Variants in AACS observed in about 807,000 individuals in gnomAD.
The protein encoded by AACS is acetoacetyl-CoA synthetase.
A neutral mutation model predicts 83.1 loss-of-function variants in AACS; 69 were observed. The observed-to-expected ratio is 0.83, with a 90% CI of 0.68 to 1.01. The LOEUF (loss-of-function observed/expected upper bound fraction) is 1.01. AACS is among the 50% of genes least tolerant of loss of function. AACS has a pLI of 0.00. For missense variants in AACS, 866 were observed against 882.2 expected, an observed-to-expected ratio of 0.98 and a Z score of 0.23; for synonymous variants, 333 against 343.4, an observed-to-expected ratio of 0.97 and a Z score of 0.33.
In AACS at chr12:125,116,095, A is replaced by G. The variant is rs548281498; in HGVS notation, c.996+1538A>G. On this transcript the variant is annotated intron_variant, in intron 9 of 17. Coordinates refer to ENST00000316519, the MANE Select transcript of AACS (RefSeq NM_023928.5). ...GCTCTACAACCCACCCCTGTCCCCA[A>G]TCCCTAACGTAGAATACCAGTGCCA... 3.9e-5 allele frequency among the ~76,000 whole-genome samples: 6 copies of G among 152,160 alleles called. 1 individual carries two copies. The highest frequency in any genetic ancestry group is 1.2e-4 in the African/African-American group (5 of 41,520).
At chr12:125,096,393 T>C (rs1956608919) in intron 5 of AACS, among the ~76,000 whole-genome samples, 1 of 152,216 alleles carries the variant, frequency 6.6e-6, no homozygotes, top group Admixed American at 6.5e-5. Context: ...GAACTCTCGG[T>C]CCATCTTAGA....
rs373865066 is a variant in AACS at position 125,084,210 on chromosome 12, T to C, written c.359-2120T>C. ...GCAGGTGCCTGTAATCCCAGCTAAC[T>C]GGGAGGCTGAGGCAGGAGAATTGCT... is the stretch of plus-strand genomic sequence containing the variant. On this transcript the variant is annotated intron_variant, in intron 3 of 17. Transcript: ENST00000316519. Among the ~76,000 whole-genome samples, 45 of 151,160 alleles carry C rather than the reference T, an allele frequency of 3.0e-4. 1 individual carries two copies. Among genetic ancestry groups the C allele is most frequent in the African/African-American group, 1.0e-3 (41 of 41,132 alleles).
chr12:125,071,794 C>T (rs961707175), intron 1 of AACS, among the ~76,000 whole-genome samples: 1 of 152,210 alleles, frequency 6.6e-6, no homozygotes, highest in African/African-American at 2.4e-5. Flanking sequence ...CTTCCAGATT[C>T]ATGGGGCTGG....
At chr12:125,099,832 T>C (rs1056019875) in intron 5 of AACS, among the ~76,000 whole-genome samples, 4 of 152,096 alleles carry the variant, frequency 2.6e-5, no homozygotes, top group African/African-American at 9.7e-5. Context: ...TGGGCCACCG[T>C]GTCTGGCTAA....
Position 125,081,879 on chromosome 12 carries a change from G to GT in AACS, c.359-4438dup, listed in dbSNP as rs1346284849. Among the ~76,000 whole-genome samples the GT allele has an allele frequency of 3.6e-3, 526 of 144,688 alleles. 1 individual carries two copies. Among genetic ancestry groups the GT allele is most frequent in the Middle Eastern group, 7.1e-3 (2 of 282 alleles). The allele number at this position is 144,688 out of a possible 152,430, so 94.9% of individuals were successfully genotyped here. ...TAGGCAAATAGGAAAAAAAAAACGA[G>GT]TTTTTTTTTTTTTGAGGTGGAGTTT... On this transcript the variant is annotated intron_variant, in intron 3 of 17. Coordinates refer to ENST00000316519, the MANE Select transcript of AACS (RefSeq NM_023928.5).
At chr12:125,091,973 T>C (rs1198120169) in intron 5 of AACS, among the ~76,000 whole-genome samples, 2 of 152,240 alleles carry the variant, frequency 1.3e-5, no homozygotes, top group East Asian at 1.9e-4. Flanking sequence ...GGACCCGTAC[T>C]GTGTGGGTGT....
At chr12:125,109,924 G>A (rs887583727) in intron 8 of AACS, among the ~76,000 whole-genome samples, 4 of 152,150 alleles carry the variant, frequency 2.6e-5, no homozygotes, top group Non-Finnish European at 5.9e-5. Context: ...GTTCTTCTCC[G>A]TGCATCTATC....
intron 16 of AACS, among the ~76,000 whole-genome samples, chr12:125,136,369 A>G (rs1004015589): frequency 6.6e-6 from 1 of 152,036 alleles, no homozygotes; most frequent in African/African-American, 2.4e-5. Context: ...ATCTTGAATT[A>G]ATTTCTCATT....
intron 3 of AACS, among the ~76,000 whole-genome samples, chr12:125,082,853 A>G (rs1956229496): frequency 6.6e-6 from 1 of 152,122 alleles, no homozygotes; most frequent in Non-Finnish European, 1.5e-5. Context: ...ACACACAAAG[A>G]GGTAATTCAT....
intron 3 of AACS, among the ~76,000 whole-genome samples, chr12:125,078,886 G>A (rs1043643605): frequency 2.0e-4 from 30 of 149,590 alleles, no homozygotes; most frequent in African/African-American, 6.4e-4. Context: ...CCTGGGAGAC[G>A]CTGATGTTCC....
chr12:125,118,840 C>A (rs556362211), intron 10 of AACS, 75 bp downstream of exon 10: 2 of 1,568,870 alleles, frequency 1.3e-6, no homozygotes, highest in African/African-American at 2.7e-5. Flanking sequence ...AGATGCAGAG[C>A]TGTGCCTGCC....
intron 10 of AACS, among the ~76,000 whole-genome samples, chr12:125,119,254 T>C (rs1393305786): frequency 2.6e-5 from 4 of 152,192 alleles, no homozygotes; most frequent in South Asian, 2.1e-4. Flanking sequence ...CCAGCACTTA[T>C]TGCATAGTAC....
intron 4 of AACS, 94 bp from the exon 5 acceptor site, chr12:125,091,332 C>T (rs750120825): frequency 5.5e-6 from 7 of 1,279,480 alleles, no homozygotes; most frequent in Admixed American, 1.9e-5. Context: ...AGCCCCCTTC[C>T]CACTCTGACC....
Position 125,073,999 on chromosome 12 carries a change from G to T in AACS, c.237+20G>T, listed in dbSNP as rs1955948674. The T allele has an allele frequency of 1.3e-6, 2 of 1,569,126 alleles. No individual in the cohort carries two copies. The highest frequency in any genetic ancestry group is 1.7e-5 in the Admixed American group (1 of 58,284). The stretch of plus-strand genomic sequence containing the variant: ...GATGAGGTAAGTAGAGATTTTCCGT[G>T]GATATCATCTCTTTTTGTGGTCGTG... On this transcript the variant is annotated intron_variant, in intron 2 of 17. Coordinates refer to ENST00000316519, the MANE Select transcript of AACS (RefSeq NM_023928.5).
Position 125,065,579 on chromosome 12 carries a change from G to A in AACS, c.-6G>A, listed in dbSNP as rs965993649. The A allele has an allele frequency of 2.8e-6, 4 of 1,451,254 alleles. No individual in the cohort carries two copies. In the African/African-American group the frequency reaches 4.5e-5, roughly 16 times the overall value. 89.9% of individuals were successfully genotyped at this position (1,451,254 alleles called of 1,614,324 possible). A position where few individuals can be genotyped will look rare whatever the true frequency, so the allele number is the denominator to read the frequency against. On this transcript the variant is annotated 5_prime_UTR_variant, in exon 1 of 18. Transcript: ENST00000316519. ...CTCGTCGCAGCCCCGGCCGCCCGCC[G>A]CCGCCATGTCCAAGGAGGAGCGCCC...
At chr12:125,106,340 G>A (rs917084249) in intron 7 of AACS, among the ~76,000 whole-genome samples, 37 of 152,306 alleles carry the variant, frequency 2.4e-4, no homozygotes, top group African/African-American at 8.2e-4. Context: ...TGTTTGTGTC[G>A]CCCCTTTGGT....
In AACS at chr12:125,107,089, C is replaced by G. The variant is rs759192726; in HGVS notation, c.768-32C>G. On this transcript the variant is annotated intron_variant, in intron 7 of 17. Coordinates refer to ENST00000316519, the MANE Select transcript of AACS (RefSeq NM_023928.5). ...GTCCGGTCCAGCATTCTGGGACGTT[C>G]ATGGCGTGTTTCCCTGCGTTTCGGC... The G allele has an allele frequency of 3.7e-6, 6 of 1,613,568 alleles. No individual in the cohort carries two copies. The East Asian group carries it at 1.1e-4, about 30-fold the overall frequency.
intron 1 of AACS, among the ~76,000 whole-genome samples, chr12:125,068,925 C>T (rs1268934170): frequency 6.6e-5 from 10 of 151,692 alleles, no homozygotes; most frequent in African/African-American, 9.7e-5. Flanking sequence ...CTGCAACCTC[C>T]GCCTCCCGGG....
chr12:125,133,992 T>C lies in AACS; in HGVS notation c.1550-11T>C. 1 of 1,614,128 alleles carries C rather than the reference T, an allele frequency of 6.2e-7. No individual in the cohort carries two copies. Among genetic ancestry groups the C allele is most frequent in the Non-Finnish European group, 8.5e-7 (1 of 1,180,002 alleles). On this transcript the variant is annotated splice_polypyrimidine_tract_variant and intron_variant, in intron 14 of 17. Coordinates refer to ENST00000316519, the MANE Select transcript of AACS (RefSeq NM_023928.5). ...CCTCGGGATGACCGGGCACCTCTGC[T>C]GTCTTTGCAGGTATCTGGGCTCATG...
Sources: gnomAD v4.1 joint callset for allele counts (sites outside exome capture counted in the v4.1 genomes callset) on GRCh38, gnomAD v4.1.1 for gene constraint, MANE v1.5 for transcripts, NCBI Gene and HGNC (gene_info 2026-07-23, HGNC 2026-07-21) for gene names.